GSDMC: variants seen among roughly 807,000 people sequenced by gnomAD.
GSDMC encodes gasdermin-C.
Under a neutral mutation model 58.0 loss-of-function variants are expected in GSDMC, and 59 were observed. That is an observed-to-expected ratio of 1.02 (90% confidence interval 0.82 to 1.26). The LOEUF (loss-of-function observed/expected upper bound fraction) is 1.26, where lower values mean the gene tolerates loss of function less well. Ranked by LOEUF, GSDMC falls within the 50% of genes most tolerant of loss-of-function variation. The pLI is 0.00. For missense variants in GSDMC, 659 were observed against 598.5 expected, an observed-to-expected ratio of 1.10 and a Z score of -1.06; for synonymous variants, 241 against 220.2, an observed-to-expected ratio of 1.09 and a Z score of -0.83.
At chr8:129,752,055 G>A in intron 8 of GSDMC, 51 bp downstream of exon 8, 2 of 1,563,950 alleles carry the variant, frequency 1.3e-6, no homozygotes, top group Non-Finnish European at 8.8e-7. Context: ...CAATCAGGTG[G>A]TTTTTTGTTG....
At chr8:129,715,448 A>T in the GSDMC span, among the ~76,000 whole-genome samples, 4 of 152,206 alleles carry the variant, frequency 2.6e-5, no homozygotes, top group African/African-American at 9.6e-5. Context: ...AAATATTTGG[A>T]GAAATATTTC....
the GSDMC span, among the ~76,000 whole-genome samples, chr8:129,708,706 G>A: frequency 6.6e-6 from 1 of 152,262 alleles, no homozygotes; most frequent in Non-Finnish European, 1.5e-5. Flanking sequence ...CCCACTCCTG[G>A]ACTTTATTCA....
At chr8:129,708,437 T>C in the GSDMC span, among the ~76,000 whole-genome samples, 25 of 151,584 alleles carry the variant, frequency 1.6e-4, no homozygotes, top group Admixed American at 1.6e-3. Context: ...ACTCAGAGAG[T>C]AGTTTGGGAT....
intron 4 of GSDMC, among the ~76,000 whole-genome samples, chr8:129,764,895 G>A (rs531715536): frequency 1.3e-5 from 2 of 152,278 alleles, no homozygotes; most frequent in Admixed American, 6.5e-5. Context: ...GCAGGTGGGG[G>A]TCCACTATTC....
the GSDMC span, chr8:129,706,713 A>C: frequency 6.6e-6 from 1 of 152,206 alleles, no homozygotes; most frequent in East Asian, 1.9e-4. Flanking sequence ...ACTCCCCAAA[A>C]AGTTCATGGA....
At chr8:129,740,788 A>G in the GSDMC span, among the ~76,000 whole-genome samples, 1 of 152,184 alleles carries the variant, frequency 6.6e-6, no homozygotes, top group Non-Finnish European at 1.5e-5. Flanking sequence ...CTCCTAATCC[A>G]TAGGTTGTCT....
chr8:129,725,414 C>T, the GSDMC span, among the ~76,000 whole-genome samples: 2 of 152,138 alleles, frequency 1.3e-5, no homozygotes, highest in Non-Finnish European at 2.9e-5. Flanking sequence ...CTGCCACATG[C>T]TGTGAGGTAT....
At chr8:129,762,567 T>C (rs1159796992) in intron 5 of GSDMC, 59 bp downstream of exon 5, 21 of 979,092 alleles carry the variant, frequency 2.1e-5, no homozygotes, top group Admixed American at 8.5e-5. Context: ...ATTTCTCTCA[T>C]AGGAGAAGCA....
chr8:129,751,413 GT>G (rs1469553149), intron 10 of GSDMC, 128 bp downstream of exon 10: 2 of 713,260 alleles, frequency 2.8e-6, no homozygotes, highest in East Asian at 5.2e-5. Context: ...ATGTTTGTTT[GT>G]TTCATGAGCA....
chr8:129,732,290 A>T, the GSDMC span, among the ~76,000 whole-genome samples: 5 of 64,028 alleles, frequency 7.8e-5, no homozygotes, highest in East Asian at 4.2e-4. Flanking sequence ...TTTATAAATT[A>T]AAAAAAAAAA....
At chr8:129,712,051 G>A in the GSDMC span, among the ~76,000 whole-genome samples, 3 of 152,180 alleles carry the variant, frequency 2.0e-5, no homozygotes, top group Non-Finnish European at 4.4e-5. Context: ...GAGCCCAGGA[G>A]TTTGAGGCCT....
chr8:129,743,170 A>G, the GSDMC span, among the ~76,000 whole-genome samples: 1 of 151,912 alleles, frequency 6.6e-6, no homozygotes, highest in Non-Finnish European at 1.5e-5. Flanking sequence ...TTTTCATTAA[A>G]TTTTCAGCAC....
Position 129,750,071 on chromosome 8 carries a change from G to A in GSDMC, c.1132C>T (p.Leu378=). Residue 378 remains leucine (L), a synonymous_variant, in exon 12 of 14, where the codon CTA becomes TTA. Transcript: ENST00000276708. ...TTTGAATCCTGTTGAAGTTTCTTTA[G>A]GATGGCACCACCAGGGCCATCCAAA... ...GHLDGPGGAI[L]KKLQQDSNHA... is the part of the protein sequence containing the mutation. 5 of 1,609,398 alleles carry A rather than the reference G, an allele frequency of 3.1e-6. No homozygotes were observed. The highest frequency in any genetic ancestry group is 4.2e-6 in the Non-Finnish European group (5 of 1,177,524).
At chr8:129,781,337 A>G (rs1196745372) in intron 1 of GSDMC, among the ~76,000 whole-genome samples, 2 of 152,238 alleles carry the variant, frequency 1.3e-5, no homozygotes, top group Non-Finnish European at 1.5e-5. Flanking sequence ...GGAATGGAAA[A>G]TATATTCGTG....
chr8:129,766,481 T>C (rs570261999), intron 3 of GSDMC, among the ~76,000 whole-genome samples: 2 of 152,340 alleles, frequency 1.3e-5, no homozygotes, highest in South Asian at 2.1e-4. Context: ...GGATTCTTAA[T>C]TGGCTTTTCA....
At chr8:129,762,495 T>C (rs1243996544) in intron 5 of GSDMC, 131 bp downstream of exon 5, 6 of 709,028 alleles carry the variant, frequency 8.5e-6, no homozygotes, top group Non-Finnish European at 2.5e-6. Flanking sequence ...GTAAGAAATG[T>C]GCATGCTTCT....
intron 7 of GSDMC, 74 bp downstream of exon 7, chr8:129,752,624 C>G: frequency 6.4e-7 from 1 of 1,569,600 alleles, no homozygotes; most frequent in Admixed American, 1.9e-5. Context: ...CACATAAACA[C>G]CAAATTTTAA....
In GSDMC at chr8:129,776,161, G is replaced by A. The variant is rs763298619; in HGVS notation, c.345C>T (p.Cys115=). The A allele has an allele frequency of 1.9e-6, 3 of 1,613,874 alleles. No individual in the cohort carries two copies. Residue 115 remains cysteine, a synonymous_variant, in exon 3 of 14, where the codon TGC becomes TGT. Transcript: ENST00000276708. ...TGGTAACAATTTGAAACTCGAGGGA[G>A]CATCCATGGTCCACAGAGGCCTCCC... ...VSGEASVDHG[C]SLEFQIVTIP...
intron 6 of GSDMC, among the ~76,000 whole-genome samples, chr8:129,760,333 A>G (rs1432131087): frequency 6.6e-6 from 1 of 152,126 alleles, no homozygotes; most frequent in Non-Finnish European, 1.5e-5. Flanking sequence ...AAAATAATTT[A>G]ATTGTACATT....
Sources: allele counts gnomAD v4.1 joint callset (sites outside exome capture counted in the v4.1 genomes callset), GRCh38; gene constraint gnomAD v4.1.1; transcripts MANE v1.5; gene names NCBI Gene and HGNC (gene_info 2026-07-23, HGNC 2026-07-21).